AGFG1: variants seen among roughly 807,000 people sequenced by gnomAD.
AGFG1 encodes the protein arf-GAP domain and FG repeat-containing protein 1.
In AGFG1, 10 loss-of-function variants were observed where a neutral mutation model predicts 60.6. That is an observed-to-expected ratio of 0.16 (90% CI 0.10 to 0.28). AGFG1 has a LOEUF of 0.28. Among genes scored for constraint, AGFG1 ranks in the 10% least tolerant of loss-of-function variants. AGFG1 has a pLI of 1.00. For missense variants in AGFG1, 537 were observed against 676.5 expected (o/e 0.79, Z 2.29); for synonymous variants, 247 against 242.9 (o/e 1.02, Z -0.16).
chr2:227,499,247 CT>C (rs933568675), intron 2 of AGFG1, among the ~76,000 whole-genome samples: 4 of 149,072 alleles, frequency 2.7e-5, no homozygotes, highest in African/African-American at 7.4e-5. Context: ...TCTTACTTTT[CT>C]TTTTTTTTTC....
At chr2:227,545,513 A>T (rs1692618602) in intron 10 of AGFG1, among the ~76,000 whole-genome samples, 1 of 152,126 alleles carries the variant, frequency 6.6e-6, no homozygotes, top group African/African-American at 2.4e-5. Flanking sequence ...GCTGGCGAGG[A>T]GCTGCAGTCC....
At chr2:227,476,644 C>T (rs1198077109) in intron 1 of AGFG1, among the ~76,000 whole-genome samples, 3 of 152,086 alleles carry the variant, frequency 2.0e-5, no homozygotes, top group Admixed American at 1.3e-4. Flanking sequence ...ATGAATGTTA[C>T]AAGAATTTTA....
chr2:227,484,723 A>G (rs1368736738), intron 1 of AGFG1, among the ~76,000 whole-genome samples: 2 of 79,238 alleles, frequency 2.5e-5, no homozygotes, highest in Non-Finnish European at 4.6e-5. Context: ...TTTTTTTTTG[A>G]GATGGAGTCT....
chr2:227,481,622 T>A (rs1455247056), intron 1 of AGFG1, among the ~76,000 whole-genome samples: 1 of 152,184 alleles, frequency 6.6e-6, no homozygotes, highest in Non-Finnish European at 1.5e-5. Flanking sequence ...TCAAGAACTG[T>A]CGTGTGCTTT....
chr2:227,477,751 A>G lies in AGFG1; in HGVS notation c.167+5163A>G, dbSNP rs181182486. Among the ~76,000 whole-genome samples, 379 of 152,154 alleles carry G rather than the reference A, an allele frequency of 2.5e-3. 3 individuals carry two copies. Among genetic ancestry groups the G allele is most frequent in the African/African-American group, 8.5e-3 (353 of 41,504 alleles). On this transcript the variant is annotated intron_variant, in intron 1 of 12. Transcript: ENST00000310078. ...CTCCCAAGCAGCTGGGATTACAGGC[A>G]TGCACCACCATGCCTGGCTAAATTT...
chr2:227,545,526 TGGA>T (rs1692619309), intron 10 of AGFG1, among the ~76,000 whole-genome samples: 1 of 152,256 alleles, frequency 6.6e-6, no homozygotes, highest in African/African-American at 2.4e-5. Context: ...TGCAGTCCTT[TGGA>T]GGAGAAGAGG....
intron 2 of AGFG1, among the ~76,000 whole-genome samples, chr2:227,494,111 A>T (rs937574852): frequency 6.6e-6 from 1 of 152,236 alleles, no homozygotes; most frequent in Admixed American, 6.5e-5. Flanking sequence ...AAAATAATGG[A>T]CAGGTATGTT....
intron 1 of AGFG1, among the ~76,000 whole-genome samples, chr2:227,473,125 GCCCGTGCCTTTTTTCTGGGTCGAGAGTAC>G (rs1690163858): frequency 6.6e-6 from 1 of 152,134 alleles, no homozygotes; most frequent in Non-Finnish European, 1.5e-5. Flanking sequence ...CGCCTGCCTC[GCCCGTGCCTTTTTTCTGGGTCGAGAGTAC>G]CTACGTAACT....
At chr2:227,548,303 C>T (rs1692713957) in intron 10 of AGFG1, among the ~76,000 whole-genome samples, 1 of 152,154 alleles carries the variant, frequency 6.6e-6, no homozygotes, top group African/African-American at 2.4e-5. Flanking sequence ...TTTAAAGAAT[C>T]ATTGAATTCT....
chr2:227,472,882 G>T, intron 1 of AGFG1, among the ~76,000 whole-genome samples: 1 of 151,908 alleles, frequency 6.6e-6, no homozygotes, highest in Non-Finnish European at 1.5e-5. Context: ...GGGGGCGACC[G>T]GGGCGAGCGT....
At chr2:227,552,483 A>G (rs926878581) in intron 11 of AGFG1, among the ~76,000 whole-genome samples, 7 of 152,128 alleles carry the variant, frequency 4.6e-5, no homozygotes, top group African/African-American at 1.7e-4. Context: ...CAGGACAGAA[A>G]TGTGTACCTT....
chr2:227,500,464 C>G (rs938888731), intron 2 of AGFG1, among the ~76,000 whole-genome samples: 3 of 152,122 alleles, frequency 2.0e-5, no homozygotes, highest in Non-Finnish European at 4.4e-5. Flanking sequence ...GTTTGGCTAT[C>G]TGCTACATTG....
intron 2 of AGFG1, among the ~76,000 whole-genome samples, chr2:227,507,533 G>A (rs375265719): frequency 2.1e-4 from 31 of 148,746 alleles, no homozygotes; most frequent in East Asian, 1.8e-3. Flanking sequence ...AACCCGGGAG[G>A]CGGAGCTTGC....
At chr2:227,502,100 C>T (rs1691175169) in intron 2 of AGFG1, among the ~76,000 whole-genome samples, 1 of 152,146 alleles carries the variant, frequency 6.6e-6, no homozygotes, top group Non-Finnish European at 1.5e-5. Flanking sequence ...TAAAGCGATC[C>T]ACCTGTCTTG....
chr2:227,517,622 C>T (rs948217541), intron 2 of AGFG1, among the ~76,000 whole-genome samples: 33 of 152,188 alleles, frequency 2.2e-4, no homozygotes, highest in African/African-American at 7.7e-4. Flanking sequence ...AGGAGAAGGG[C>T]AAGTCCTTTC....
In AGFG1 at chr2:227,558,955, A is replaced by T. The variant is rs1256808461; in HGVS notation, c.*4460A>T. The stretch of plus-strand genomic sequence containing the variant: ...TAAATGTATTGGTCATTTGATGATT[A>T]TATCCAGTATTTGGAGAGCTTTTAT... On this transcript the variant is annotated 3_prime_UTR_variant, in exon 13 of 13. Coordinates refer to ENST00000310078, the MANE Select transcript of AGFG1 (RefSeq NM_004504.5). 6.6e-6 allele frequency: 1 copy of T among 152,230 alleles called. No homozygotes were observed. The highest frequency in any genetic ancestry group is 1.5e-5 in the Non-Finnish European group (1 of 68,026). The allele number at this position is 152,230 out of a possible 1,614,324, so 9.4% of individuals were successfully genotyped here.
Position 227,531,007 on chromosome 2 carries a change from A to G in AGFG1, c.695-84A>G, listed in dbSNP as rs569710903. 1.2e-4 allele frequency: 155 copies of G among 1,249,654 alleles called. No individual in the cohort carries two copies. In the African/African-American group the frequency reaches 2.1e-3, roughly 17 times the overall value. 77.4% of individuals were successfully genotyped at this position (1,249,654 alleles called of 1,614,324 possible). ...GAGTTTTGATACATAGAAACTTTTC[A>G]TATAATTCTTAAACTCATGTGTCAT... On this transcript the variant is annotated intron_variant, in intron 5 of 12. Coordinates refer to ENST00000310078, the MANE Select transcript of AGFG1 (RefSeq NM_004504.5).
chr2:227,528,997 A>G (rs1692078760), intron 5 of AGFG1, among the ~76,000 whole-genome samples: 1 of 152,134 alleles, frequency 6.6e-6, no homozygotes, highest in Non-Finnish European at 1.5e-5. Context: ...GCCTGAGAGG[A>G]GTTGTTTTTT....
Position 227,533,750 on chromosome 2 carries a change from C to T in AGFG1, c.1016C>T (p.Ala339Val). 1 of 1,613,162 alleles carries T rather than the reference C, an allele frequency of 6.2e-7. No homozygotes were observed. The highest frequency in any genetic ancestry group is 8.5e-7 in the Non-Finnish European group (1 of 1,179,422). Reference sequence around the variant, plus strand: ...GCTAATTTAGACAATATCTTCAGTGCCGGGCAAGGTATCAAGCTTTAAGCA... The same window carrying T: ...GCTAATTTAGACAATATCTTCAGTGTCGGGCAAGGTATCAAGCTTTAAGCA... ...ALANLDNIFS[A>V]GQGGDQGSGF... The change falls in exon 7 of 13, where the codon GCC (alanine) becomes GTC (valine). Residue 339 changes from alanine (A) to valine (V), a missense_variant. Ala to Val is a moderately conservative substitution (Grantham distance 64, BLOSUM62 0). Around this residue, in one of 4 missense-constraint regions of AGFG1, gnomAD observed 287 missense variants for 343.6 expected, o/e 0.84. Transcript: ENST00000310078.
Sources: allele counts gnomAD v4.1 joint callset (sites outside exome capture counted in the v4.1 genomes callset), GRCh38; gene constraint gnomAD v4.1.1; regional missense constraint gnomAD v4.1.1; transcripts MANE v1.5; gene names NCBI Gene and HGNC (gene_info 2026-07-23, HGNC 2026-07-21).